COL5A2: variants seen among roughly 807,000 people sequenced by gnomAD.
The protein encoded by COL5A2 is collagen alpha-2(V) chain.
COL5A2 carries 23 observed loss-of-function variants against 208.2 expected under a neutral mutation model. The observed-to-expected ratio is 0.11, with a 90% CI of 0.08 to 0.16. COL5A2 has a LOEUF of 0.16. Ranked by LOEUF, COL5A2 falls within the 10% of genes least tolerant of loss-of-function variation. The probability of loss-of-function intolerance (pLI) is 1.00; values close to 1 mark genes in which losing one functional copy is unlikely to be tolerated. For missense variants in COL5A2, 1,590 were observed against 1,956.4 expected, an observed-to-expected ratio of 0.81 and a Z score of 3.53; for synonymous variants, 625 against 628.5, an observed-to-expected ratio of 0.99 and a Z score of 0.08.
chr2:189,117,729 A>T (rs1198321502), intron 1 of COL5A2, among the ~76,000 whole-genome samples: 1 of 41,572 alleles, frequency 2.4e-5, no homozygotes, highest in Non-Finnish European at 1.2e-4. Context: ...ACTAATTCTT[A>T]CTCTTTTTTT....
intron 1 of COL5A2, among the ~76,000 whole-genome samples, chr2:189,220,208 T>C (rs535616056): frequency 2.0e-5 from 3 of 152,318 alleles, no homozygotes; most frequent in African/African-American, 7.2e-5. Context: ...CCAGGTAGTA[T>C]ATTGCTGTGT....
chr2:189,072,563 G>C (rs1183070326), intron 17 of COL5A2, among the ~76,000 whole-genome samples: 1 of 152,086 alleles, frequency 6.6e-6, no homozygotes, highest in Non-Finnish European at 1.5e-5. Context: ...CCTGAGGTCA[G>C]GAGTTCGAGA....
intron 47 of COL5A2, among the ~76,000 whole-genome samples, chr2:189,043,966 A>T (rs2153507124): frequency 6.6e-6 from 1 of 152,302 alleles, no homozygotes; most frequent in South Asian, 2.1e-4. Flanking sequence ...GGTGAAAATT[A>T]TCTGATCAAT....
intron 13 of COL5A2, 105 bp downstream of exon 13, chr2:189,080,885 A>T: frequency 1.1e-6 from 1 of 933,680 alleles, no homozygotes; most frequent in Non-Finnish European, 1.8e-6. Flanking sequence ...ATAGACAGTT[A>T]AGGACAATTG....
intron 10 of COL5A2, 120 bp from the exon 11 acceptor site, chr2:189,085,333 G>T (rs983815459): frequency 2.0e-5 from 19 of 943,580 alleles, no homozygotes; most frequent in Admixed American, 1.5e-4. Flanking sequence ...AAATGAAAAT[G>T]ATAAATATTG....
chr2:189,297,800 A>C, the COL5A2 span, among the ~76,000 whole-genome samples: 1 of 152,202 alleles, frequency 6.6e-6, no homozygotes, highest in Admixed American at 6.5e-5. Context: ...TATCTGCCAA[A>C]CCAATGAAAG....
chr2:189,130,414 A>G (rs1269388171), intron 1 of COL5A2, among the ~76,000 whole-genome samples: 3 of 152,042 alleles, frequency 2.0e-5, no homozygotes, highest in Admixed American at 2.0e-4. Context: ...TATGTGCTCA[A>G]TTTAAAAGGG....
chr2:189,350,755 G>C, the COL5A2 span, among the ~76,000 whole-genome samples: 7 of 152,148 alleles, frequency 4.6e-5, no homozygotes, highest in Non-Finnish European at 1.0e-4. Context: ...TTGATACTTT[G>C]TGGCCAGGAG....
chr2:189,388,606 G>A, the COL5A2 span, among the ~76,000 whole-genome samples: 2 of 152,194 alleles, frequency 1.3e-5, no homozygotes, highest in African/African-American at 4.8e-5. Context: ...GACATTGTGT[G>A]ATTTGATTTT....
At chr2:189,110,958 TATTAAA>T (rs1022338017) in intron 1 of COL5A2, among the ~76,000 whole-genome samples, 3 of 152,212 alleles carry the variant, frequency 2.0e-5, no homozygotes, top group Non-Finnish European at 4.4e-5. Flanking sequence ...TGTATGTTTT[TATTAAA>T]ATTATTTTTA....
At chr2:189,400,786 T>C in the COL5A2 span, among the ~76,000 whole-genome samples, 3 of 152,162 alleles carry the variant, frequency 2.0e-5, no homozygotes, top group Admixed American at 6.5e-5. Flanking sequence ...ATGATTAAAA[T>C]TATACAAGGA....
At chr2:189,096,417 G>A (rs1405656996) in intron 6 of COL5A2, among the ~76,000 whole-genome samples, 1 of 151,624 alleles carries the variant, frequency 6.6e-6, no homozygotes, top group East Asian at 1.9e-4. Flanking sequence ...CGAGGCGGGC[G>A]GATCACATCC....
the COL5A2 span, among the ~76,000 whole-genome samples, chr2:189,390,738 C>T: frequency 1.8e-4 from 28 of 152,316 alleles, no homozygotes; most frequent in African/African-American, 6.5e-4. Flanking sequence ...TAGCTCCCAA[C>T]TGCAATCTTC....
At chr2:189,367,406 A>AT in the COL5A2 span, among the ~76,000 whole-genome samples, 1 of 152,118 alleles carries the variant, frequency 6.6e-6, no homozygotes, top group Non-Finnish European at 1.5e-5. Context: ...AATTCCACAT[A>AT]TTGACTTCCA....
At chr2:189,302,900 A>G in the COL5A2 span, among the ~76,000 whole-genome samples, 1 of 152,202 alleles carries the variant, frequency 6.6e-6, no homozygotes, top group Admixed American at 6.5e-5. Context: ...GCCCAAGAGT[A>G]GTGATGCTTT....
intron 43 of COL5A2, among the ~76,000 whole-genome samples, chr2:189,049,884 C>A (rs981848024): frequency 3.3e-5 from 5 of 152,160 alleles, no homozygotes; most frequent in African/African-American, 9.7e-5. Context: ...ATAAGACATC[C>A]CTTAGCTCCT....
chr2:189,240,664 G>T, the COL5A2 span, among the ~76,000 whole-genome samples: 2 of 152,094 alleles, frequency 1.3e-5, no homozygotes, highest in Non-Finnish European at 1.5e-5. Flanking sequence ...TTCCTCTTGT[G>T]ATTGCCTGAT....
At chr2:189,356,450 T>C in the COL5A2 span, among the ~76,000 whole-genome samples, 1 of 152,230 alleles carries the variant, frequency 6.6e-6, no homozygotes, top group Non-Finnish European at 1.5e-5. Context: ...TTCTTTTTTC[T>C]CTAATCTTGT....
At chr2:189,073,535 C>T (rs1035012066) in intron 17 of COL5A2, among the ~76,000 whole-genome samples, 2 of 152,044 alleles carry the variant, frequency 1.3e-5, no homozygotes, top group African/African-American at 4.8e-5. Context: ...GATTGGACAT[C>T]AATATTTTTA....
Sources: gnomAD v4.1 joint callset for allele counts (sites outside exome capture counted in the v4.1 genomes callset) on GRCh38, gnomAD v4.1.1 for gene constraint, MANE v1.5 for transcripts, NCBI Gene and HGNC (gene_info 2026-07-23, HGNC 2026-07-21) for gene names.